PCDHGB3: variants seen among roughly 807,000 people sequenced by gnomAD.
The protein encoded by PCDHGB3 is protocadherin gamma subfamily B, 3.
In PCDHGB3, 40 loss-of-function variants were observed where a neutral mutation model predicts 59.2. The ratio of observed to expected loss-of-function variants is 0.68; its 90% CI spans 0.52 to 0.88. PCDHGB3 has a LOEUF of 0.88. Ranked by LOEUF, PCDHGB3 falls within the 40% of genes least tolerant of loss-of-function variation. The pLI is 0.00. For synonymous variants in PCDHGB3, 581 were observed against 503.6 expected (o/e 1.15, Z -2.06); for missense variants, 1,309 against 1,187.9 (o/e 1.10, Z -1.50).
chr5:141,418,498 C>T (rs181453589), intron 1 of PCDHGB3: 10 of 1,613,968 alleles, frequency 6.2e-6, no homozygotes, highest in East Asian at 2.2e-5. Context: ...TGGTACTGAC[C>T]GCCTTAGATG....
At chr5:141,440,605 C>G (rs1214459401) in intron 1 of PCDHGB3, 1 of 152,228 alleles carries the variant, frequency 6.6e-6, no homozygotes, top group East Asian at 1.9e-4. Context: ...TGCAACAGAA[C>G]CTGCAGAAGA....
Position 141,427,950 on chromosome 5 carries a change from A to C in PCDHGB3, c.2415+55141A>C, listed in dbSNP as rs773336611. The stretch of plus-strand genomic sequence containing the variant: ...CATGTTGGTGGGCGACCTCAATGAC[A>C]ATGTGCCGCGGGTGCTGTACCCCGC... On this transcript the variant is annotated intron_variant, in intron 1 of 3. Transcript: ENST00000576222. 7 of 1,586,816 alleles carry C rather than the reference A, an allele frequency of 4.4e-6. No individual in the cohort carries two copies. The African/African-American group carries it at 8.1e-5, about 18-fold the overall frequency.
rs777487681 is a variant in PCDHGB3, at chr5:141,432,809, T to C, written c.2415+60000T>C. 2.5e-6 allele frequency: 4 copies of C among 1,613,280 alleles called. No individual in the cohort carries two copies. In the African/African-American group the frequency reaches 5.4e-5, roughly 22 times the overall value. The stretch of plus-strand genomic sequence containing the variant: ...CGGCAGCCTCGAGTCTCCAGCTAAC[T>C]CTGAAACCTCAGACCTCACTCTGTA... On this transcript the variant is annotated intron_variant, in intron 1 of 3. Coordinates refer to ENST00000576222, the MANE Select transcript of PCDHGB3 (RefSeq NM_018924.5). The surrounding 1 kb of genome is among the most constrained non-coding windows in gnomAD (Gnocchi z 6.0).
At position 141,487,507 on chromosome 5, in the gene PCDHGB3, A is replaced by C; in HGVS notation, c.2416-7300A>C. 6.2e-7 allele frequency: 1 copy of C among 1,614,138 alleles called. No individual in the cohort carries two copies. Among genetic ancestry groups the C allele is most frequent in the Non-Finnish European group, 8.5e-7 (1 of 1,180,028 alleles). On this transcript the variant is annotated intron_variant, in intron 1 of 3. Coordinates refer to ENST00000576222, the MANE Select transcript of PCDHGB3 (RefSeq NM_018924.5). This position sits in a 1 kb window ranked among gnomAD's most constrained non-coding sequence, Gnocchi z 5.0. ...ATGGCTGTACACCCTTGGCTTCTGC[A>C]CCCACTCGGAGTGATAGCTTCATGA...
intron 1 of PCDHGB3, chr5:141,385,005 C>A (rs754312286): frequency 6.8e-6 from 11 of 1,614,138 alleles, no homozygotes; most frequent in South Asian, 4.4e-5. Context: ...CAGTCTCCTG[C>A]GTCTTCCTAG....
chr5:141,409,483 G>A, intron 1 of PCDHGB3: 1 of 1,613,944 alleles, frequency 6.2e-7, no homozygotes, highest in Non-Finnish European at 8.5e-7. Context: ...CCACTGACAG[G>A]GGCAAGCCGC....
In PCDHGB3 at chr5:141,487,938, G is replaced by A; in HGVS notation, c.2416-6869G>A. ...GAGGCTACAGTGCACAGGGTACAGT[G>A]CACCAGGCAGTCACTTGGACAAAGG... is the stretch of plus-strand genomic sequence containing the variant. On this transcript the variant is annotated intron_variant, in intron 1 of 3. Coordinates refer to ENST00000576222, the MANE Select transcript of PCDHGB3 (RefSeq NM_018924.5). This position sits in a 1 kb window ranked among gnomAD's most constrained non-coding sequence, Gnocchi z 5.0. 1.7e-6 allele frequency: 1 copy of A among 600,308 alleles called. No homozygotes were observed. The highest frequency in any genetic ancestry group is 2.9e-6 in the Non-Finnish European group (1 of 342,970). 37.2% of individuals were successfully genotyped at this position (600,308 alleles called of 1,614,324 possible).
Position 141,371,515 on chromosome 5 carries a change from T to C in PCDHGB3, c.1121T>C (p.Leu374Pro). ...TAVALIKTHD[L>P]DSGFNGEILC... Reference sequence around the variant, plus strand: ...GTTGCCCTGATCAAAACACATGATCTAGATTCTGGATTTAATGGAGAAATC... The same window carrying C: ...GTTGCCCTGATCAAAACACATGATCCAGATTCTGGATTTAATGGAGAAATC... Residue 374 changes from leucine to proline, a missense_variant, in exon 1 of 4, where the codon CTA becomes CCA. Coordinates refer to ENST00000576222, the MANE Select transcript of PCDHGB3 (RefSeq NM_018924.5). 6.2e-7 allele frequency: 1 copy of C among 1,613,844 alleles called. No homozygotes were observed. Among genetic ancestry groups the C allele is most frequent in the Non-Finnish European group, 8.5e-7 (1 of 1,179,828 alleles).
chr5:141,462,623 T>C (rs992165332), intron 1 of PCDHGB3, among the ~76,000 whole-genome samples: 3 of 150,992 alleles, frequency 2.0e-5, no homozygotes, highest in Non-Finnish European at 4.4e-5. Context: ...CTTTTAGAAG[T>C]TCCATTTGAC....
At chr5:141,379,593 AC>A (rs1775703652) in intron 1 of PCDHGB3, 1 of 152,152 alleles carries the variant, frequency 6.6e-6, no homozygotes, top group Non-Finnish European at 1.5e-5. Flanking sequence ...TTCTCTTATT[AC>A]CTGTGACCAT....
intron 1 of PCDHGB3, chr5:141,413,635 A>C: frequency 6.2e-7 from 1 of 1,613,888 alleles, no homozygotes; most frequent in Non-Finnish European, 8.5e-7. Context: ...CGCTGCGGGA[A>C]TGCGTTTTCC....
intron 1 of PCDHGB3, among the ~76,000 whole-genome samples, chr5:141,462,839 T>C (rs1020663897): frequency 8.5e-5 from 13 of 152,228 alleles, no homozygotes; most frequent in Non-Finnish European, 1.5e-4. Context: ...GTAAATGTTA[T>C]ATTTTTGAGT....
chr5:141,500,175 CA>C (rs762724660), intron 2 of PCDHGB3, among the ~76,000 whole-genome samples: 15 of 147,258 alleles, frequency 1.0e-4, no homozygotes, highest in Non-Finnish European at 1.5e-4. Flanking sequence ...GCATGAGCTT[CA>C]TTTTTATTTT....
At chr5:141,403,582 G>T in intron 1 of PCDHGB3, 1 of 1,613,910 alleles carries the variant, frequency 6.2e-7, no homozygotes. Context: ...CCCACCACCT[G>T]GTCCTCACGG....
At chr5:141,390,096 C>G in intron 1 of PCDHGB3, 1 of 1,614,030 alleles carries the variant, frequency 6.2e-7, no homozygotes, top group Non-Finnish European at 8.5e-7. Context: ...ATCCGTGGTT[C>G]CCCCCAACTA....
chr5:141,476,825 G>A lies in PCDHGB3; in HGVS notation c.2416-17982G>A. ...GCCTATTCACATCAAGGTGCTGGACGCGAATGACAATGCGCCTGTCTTCAA... is the reference window on the plus strand; with the variant it reads ...GCCTATTCACATCAAGGTGCTGGACACGAATGACAATGCGCCTGTCTTCAA... On this transcript the variant is annotated intron_variant, in intron 1 of 3. Transcript: ENST00000576222. The surrounding 1 kb of genome is among the most constrained non-coding windows in gnomAD (Gnocchi z 7.6). 6.2e-7 allele frequency: 1 copy of A among 1,613,554 alleles called. No individual in the cohort carries two copies. Among genetic ancestry groups the A allele is most frequent in the East Asian group, 2.2e-5 (1 of 44,870 alleles).
At chr5:141,375,231 C>T in intron 1 of PCDHGB3, 1 of 1,613,964 alleles carries the variant, frequency 6.2e-7, no homozygotes, top group East Asian at 2.2e-5. Flanking sequence ...GGCCTGGTAA[C>T]CTGTTCCATC....
Position 141,440,827 on chromosome 5 carries a change from A to G in PCDHGB3, c.2416-53980A>G, listed in dbSNP as rs570022849. 7 of 152,196 alleles carry G rather than the reference A, an allele frequency of 4.6e-5. 1 individual carries two copies. The highest frequency in any genetic ancestry group is 1.4e-4 in the African/African-American group (6 of 41,526). 9.4% of individuals were successfully genotyped at this position (152,196 alleles called of 1,614,324 possible). A position where few individuals can be genotyped will look rare whatever the true frequency, so the allele number is the denominator to read the frequency against. ...GCAGCATCACTCAACTCCTGATCCT[A>G]TTGGTTGAAGCCAATGACAACCCTG... On this transcript the variant is annotated intron_variant, in intron 1 of 3. Transcript: ENST00000576222.
intron 1 of PCDHGB3, among the ~76,000 whole-genome samples, chr5:141,459,968 C>T (rs1260233942): frequency 1.3e-5 from 2 of 152,190 alleles, no homozygotes; most frequent in East Asian, 3.8e-4. Context: ...ATCCCAGCTA[C>T]TCAGGAGGCT....
Sources: allele counts gnomAD v4.1 joint callset (sites outside exome capture counted in the v4.1 genomes callset), GRCh38; gene constraint gnomAD v4.1.1; non-coding constraint Gnocchi (gnomAD v3.1); transcripts MANE v1.5; gene names NCBI Gene and HGNC (gene_info 2026-07-23, HGNC 2026-07-21).